The following NEO1 variants were observed in gnomAD, a reference collection of about 807,000 sequenced individuals.
NEO1 encodes the protein neogenin.
NEO1 carries 63 observed loss-of-function variants against 159.7 expected under a neutral mutation model. That is an observed-to-expected ratio of 0.39 (90% confidence interval 0.32 to 0.49). NEO1 has a LOEUF of 0.49. NEO1 is among the 20% of genes least tolerant of loss of function. NEO1 has a pLI of 0.85. For missense variants in NEO1, 1,615 were observed against 1,831.0 expected, an observed-to-expected ratio of 0.88 and a Z score of 2.15; for synonymous variants, 633 against 662.0, an observed-to-expected ratio of 0.96 and a Z score of 0.67.
At chr15:73,301,202 T>G in intron 27 of NEO1, 119 bp from the exon 28 acceptor site, 1 of 1,290,650 alleles carries the variant, frequency 7.7e-7, no homozygotes, top group Non-Finnish European at 1.1e-6. Context: ...CAGAGCAGTA[T>G]CCCTGCACTG....
At chr15:73,249,494 G>T in intron 10 of NEO1, 89 bp from the exon 11 acceptor site, 1 of 1,332,252 alleles carries the variant, frequency 7.5e-7, no homozygotes, top group African/African-American at 1.5e-5. Context: ...GTTTCATGTA[G>T]AATATAGAAT....
At chr15:73,130,254 G>T (rs973606356) in intron 4 of NEO1, among the ~76,000 whole-genome samples, 1 of 151,846 alleles carries the variant, frequency 6.6e-6, no homozygotes, top group African/African-American at 2.4e-5. Flanking sequence ...GATTACAGAT[G>T]TGCGTTACTG....
intron 7 of NEO1, 120 bp from the exon 8 acceptor site, chr15:73,236,227 C>T: frequency 1.4e-4 from 190 of 1,347,532 alleles, no homozygotes; most frequent in Middle Eastern, 5.6e-4. Context: ...TTTTTCTGTT[C>T]TCTTTTTTAA....
At chr15:73,077,048 A>T (rs116379151) in intron 1 of NEO1, among the ~76,000 whole-genome samples, 2,163 of 152,110 alleles carry the variant, frequency 0.014, 47 homozygotes, top group African/African-American at 0.05. Flanking sequence ...TAAATTAATT[A>T]ATTTATTTAT....
chr15:73,246,581 G>A (rs1182331794), intron 9 of NEO1, among the ~76,000 whole-genome samples: 1 of 152,116 alleles, frequency 6.6e-6, no homozygotes, highest in Non-Finnish European at 1.5e-5. Flanking sequence ...CTGGCCTTGA[G>A]GCATTTGACT....
chr15:73,198,463 A>T (rs2036665884), intron 7 of NEO1, among the ~76,000 whole-genome samples: 1 of 152,068 alleles, frequency 6.6e-6, no homozygotes, highest in Admixed American at 6.6e-5. Context: ...GCCTAATGTT[A>T]GGAATTCAGT....
intron 5 of NEO1, among the ~76,000 whole-genome samples, chr15:73,156,547 A>G (rs1163045554): frequency 6.6e-6 from 1 of 152,206 alleles, no homozygotes; most frequent in Admixed American, 6.5e-5. Context: ...TAGCAGTAGT[A>G]GTGAGAAGCT....
At chr15:73,130,842 C>T (rs370257679) in intron 4 of NEO1, among the ~76,000 whole-genome samples, 26 of 152,352 alleles carry the variant, frequency 1.7e-4, no homozygotes, top group African/African-American at 3.6e-4. Context: ...TAGCAAGGCT[C>T]GCTTCATGGT....
intron 5 of NEO1, among the ~76,000 whole-genome samples, chr15:73,141,109 T>C (rs2032346547): frequency 6.6e-6 from 1 of 152,230 alleles, no homozygotes; most frequent in South Asian, 2.1e-4. Context: ...TTATAACTCA[T>C]AATGTGCAAA....
chr15:73,218,013 A>G (rs1318175458), intron 7 of NEO1, among the ~76,000 whole-genome samples: 2 of 152,106 alleles, frequency 1.3e-5, no homozygotes, highest in Non-Finnish European at 2.9e-5. Flanking sequence ...CCAGTTTTCA[A>G]AGGGAATGCT....
intron 5 of NEO1, among the ~76,000 whole-genome samples, chr15:73,146,500 G>A (rs2032910938): frequency 6.6e-6 from 1 of 152,038 alleles, no homozygotes; most frequent in South Asian, 2.1e-4. Flanking sequence ...ATCCTTTATT[G>A]GGGCCTTAAT....
chr15:73,083,358 G>A (rs1810600808), intron 1 of NEO1, among the ~76,000 whole-genome samples: 2 of 151,918 alleles, frequency 1.3e-5, no homozygotes, highest in Admixed American at 6.6e-5. Context: ...GATGGAAGGG[G>A]GAGAGGTAGA....
intron 5 of NEO1, among the ~76,000 whole-genome samples, chr15:73,166,496 C>T (rs1261944800): frequency 6.6e-6 from 1 of 152,130 alleles, no homozygotes; most frequent in Non-Finnish European, 1.5e-5. Context: ...GACCTGAACT[C>T]TCCAATGGCT....
intron 7 of NEO1, among the ~76,000 whole-genome samples, chr15:73,181,332 T>C (rs2035597260): frequency 6.6e-6 from 1 of 152,124 alleles, no homozygotes; most frequent in Non-Finnish European, 1.5e-5. Context: ...GAAGGAAAAT[T>C]GTTATGAGGC....
intron 1 of NEO1, among the ~76,000 whole-genome samples, chr15:73,099,304 AG>A (rs2070267656): frequency 6.6e-6 from 1 of 152,226 alleles, no homozygotes; most frequent in African/African-American, 2.4e-5. Flanking sequence ...TGTCTATGAC[AG>A]GACGACAGCT....
intron 1 of NEO1, among the ~76,000 whole-genome samples, chr15:73,085,949 G>A (rs969508434): frequency 1.3e-5 from 2 of 152,062 alleles, no homozygotes; most frequent in Non-Finnish European, 2.9e-5. Flanking sequence ...ATTTAGTGAG[G>A]TTCGACTTGC....
At chr15:73,162,223 T>G (rs2034235557) in intron 5 of NEO1, 1 of 213,904 alleles carries the variant, frequency 4.7e-6, no homozygotes, top group African/African-American at 2.3e-5. Flanking sequence ...CTCTTCACCT[T>G]CCTCCCCAGC....
intron 9 of NEO1, among the ~76,000 whole-genome samples, chr15:73,244,981 A>AAAAAAAAAAAAAAAC (rs1426485832): frequency 4.0e-5 from 6 of 148,204 alleles, no homozygotes; most frequent in Non-Finnish European, 7.5e-5. Flanking sequence ...AAAAAAAAAA[A>AAAAAAAAAAAAAAAC]AACAACAGCA....
At chr15:73,132,159 TATAG>T (rs2031214676) in intron 4 of NEO1, among the ~76,000 whole-genome samples, 1 of 152,224 alleles carries the variant, frequency 6.6e-6, no homozygotes, top group Non-Finnish European at 1.5e-5. Flanking sequence ...ACCTGACACA[TATAG>T]ACAAACCAAT....
Sources: gnomAD v4.1 joint callset for allele counts (sites outside exome capture counted in the v4.1 genomes callset) on GRCh38, gnomAD v4.1.1 for gene constraint, MANE v1.5 for transcripts, NCBI Gene and HGNC (gene_info 2026-07-23, HGNC 2026-07-21) for gene names.